RBM24: variants seen among roughly 807,000 people sequenced by gnomAD.
The protein encoded by RBM24 is RNA binding motif protein 24.
Under a neutral mutation model 23.6 loss-of-function variants are expected in RBM24, and 5 were observed. The observed-to-expected ratio is 0.21, with a 90% CI of 0.11 to 0.45. RBM24 has a LOEUF of 0.45. RBM24 is among the 20% of genes least tolerant of loss of function. The pLI is 0.99. For synonymous variants in RBM24, 151 were observed against 129.5 expected (o/e 1.17, Z -1.13); for missense variants, 252 against 314.6 (o/e 0.80, Z 1.51).
chr6:17,282,815 C>G lies in RBM24; in HGVS notation c.179C>G (p.Ala60Gly), dbSNP rs745434041. 5.6e-6 allele frequency: 9 copies of G among 1,613,784 alleles called. No homozygotes were observed. The highest frequency in any genetic ancestry group is 7.6e-6 in the Non-Finnish European group (9 of 1,179,716). ...GTGTCTGTTGCTAAGGTCACCATGG[C>G]TGACCGGGCTGCTGCCGAAAGGGCC... ...KSRGYGFVTMADRAAAERACK... is the reference protein window; with the variant it reads ...KSRGYGFVTMGDRAAAERACK... The change falls in exon 2 of 4, where the codon GCT becomes GGT. Residue 60 changes from alanine (A) to glycine (G), a missense_variant. Physicochemically the swap from Ala to Gly is moderately conservative, Grantham distance 60. Transcript: ENST00000379052.
intron 3 of RBM24, chr6:17,288,923 T>G (rs567297801): frequency 1.0e-6 from 1 of 985,332 alleles, no homozygotes; most frequent in Non-Finnish European, 1.2e-6. Flanking sequence ...AGATGGAGTA[T>G]TTGTCATCAG....
At chr6:17,283,086 GA>G in intron 2 of RBM24, 158 bp downstream of exon 2, 1 of 602,764 alleles carries the variant, frequency 1.7e-6, no homozygotes. Context: ...ACATAAATGA[GA>G]GTTGTAAATA....
intron 3 of RBM24, chr6:17,289,322 T>C: frequency 2.0e-6 from 2 of 985,430 alleles, no homozygotes; most frequent in Non-Finnish European, 2.4e-6. Flanking sequence ...CCAAGGTCTT[T>C]CGGGTTCTCC....
intron 3 of RBM24, among the ~76,000 whole-genome samples, chr6:17,291,210 T>C (rs1760346906): frequency 6.6e-6 from 1 of 152,218 alleles, no homozygotes; most frequent in Non-Finnish European, 1.5e-5. Flanking sequence ...TGAGTCTGCA[T>C]AGCAATTTCA....
At chr6:17,288,271 A>G in intron 3 of RBM24, 1 of 985,438 alleles carries the variant, frequency 1.0e-6, no homozygotes, top group Non-Finnish European at 1.2e-6. Context: ...AAGAAAGCCG[A>G]TAAGCACCAA....
intron 1 of RBM24, chr6:17,282,397 A>G (rs1382891516): frequency 1.7e-6 from 1 of 597,218 alleles, no homozygotes. Context: ...CGTTGGGCGG[A>G]TGTAAGGCTG....
At chr6:17,291,380 A>G (rs1760351688) in intron 3 of RBM24, among the ~76,000 whole-genome samples, 4 of 152,216 alleles carry the variant, frequency 2.6e-5, no homozygotes, top group Admixed American at 1.3e-4. Flanking sequence ...AAACATTCTT[A>G]TTTTATGAAC....
chr6:17,281,443 G>A lies in RBM24; in HGVS notation c.-139G>A. On this transcript the variant is annotated 5_prime_UTR_variant, in exon 1 of 4. Transcript: ENST00000379052. The surrounding 1 kb of genome is among the most constrained non-coding windows in gnomAD (Gnocchi z 7.1). ...CCCGGCCGCTCGCCCCCGCCGCGCC[G>A]CCGCCCTCGCCCCCGGGCTCGCCCT... The A allele has an allele frequency of 1.9e-6, 1 of 530,462 alleles. No individual in the cohort carries two copies. Among genetic ancestry groups the A allele is most frequent in the Non-Finnish European group, 2.4e-6 (1 of 412,568 alleles). 32.9% of individuals were successfully genotyped at this position (530,462 alleles called of 1,614,324 possible). A position where few individuals can be genotyped will look rare whatever the true frequency, so the allele number is the denominator to read the frequency against.
In RBM24 at chr6:17,291,974, C is replaced by T; in HGVS notation, c.566C>T (p.Thr189Ile). 1 of 1,611,060 alleles carries T rather than the reference C, an allele frequency of 6.2e-7. No individual in the cohort carries two copies. The highest frequency in any genetic ancestry group is 8.5e-7 in the Non-Finnish European group (1 of 1,179,402). The change falls in exon 4 of 4, where the codon ACT (threonine) becomes ATT (isoleucine). Residue 189 changes from threonine (T) to isoleucine (I), a missense_variant. Thr to Ile is a moderately conservative substitution (Grantham distance 89). Coordinates refer to ENST00000379052, the MANE Select transcript of RBM24 (RefSeq NM_001143942.2). Reference sequence around the variant, plus strand: ...TCTCCAGCTGCTGCAGGATATGTTACTGCTGGGGGCTATGGCTACGCAGTC... The same window carrying T: ...TCTCCAGCTGCTGCAGGATATGTTATTGCTGGGGGCTATGGCTACGCAGTC... ...AASPAAAGYV[T>I]AGGYGYAVQQ...
Position 17,291,900 on chromosome 6 carries a change from T to C in RBM24, c.492T>C (p.Ala164=), listed in dbSNP as rs537168804. 3.7e-6 allele frequency: 6 copies of C among 1,612,944 alleles called. No homozygotes were observed. Among genetic ancestry groups the C allele is most frequent in the African/African-American group, 2.7e-5 (2 of 74,928 alleles). The change falls in exon 4 of 4, where the codon GCT becomes GCC. Residue 164 remains alanine, a synonymous_variant. Transcript: ENST00000379052. ...CATACGCACAATACTCAGCAGCTGCTGCTGCTGCCGCCGCCGCTGCTGCCT... is the reference window on the plus strand; with the variant it reads ...CATACGCACAATACTCAGCAGCTGCCGCTGCTGCCGCCGCCGCTGCTGCCT... ...GAAYAQYSAA[A]AAAAAAAAYD... is the part of the protein sequence containing the mutation.
chr6:17,284,797 G>C (rs1037755780), intron 3 of RBM24, 86 bp downstream of exon 3: 3 of 930,640 alleles, frequency 3.2e-6, no homozygotes, highest in African/African-American at 3.3e-5. Flanking sequence ...ATAAGATCAT[G>C]ATGTCACAGA....
In RBM24 at chr6:17,281,845, A is replaced by T; in HGVS notation, c.168+96A>T. The T allele has an allele frequency of 6.8e-7, 1 of 1,460,082 alleles. No individual in the cohort carries two copies. The highest frequency in any genetic ancestry group is 2.2e-5 in the Admixed American group (1 of 46,136). 90.4% of individuals were successfully genotyped at this position (1,460,082 alleles called of 1,614,324 possible). On this transcript the variant is annotated intron_variant, in intron 1 of 3. Transcript: ENST00000379052. This position sits in a 1 kb window ranked among gnomAD's most constrained non-coding sequence, Gnocchi z 7.1. ...AGTGAGGGGCTCGGCGTGACCCGTG[A>T]GGAGCCCCGCGGGTAGAGCGGCGCT...
At chr6:17,291,035 GT>G (rs1352056394) in intron 3 of RBM24, 5 of 478,274 alleles carry the variant, frequency 1.0e-5, no homozygotes, top group Middle Eastern at 3.6e-4. Context: ...ACAGCCTCTT[GT>G]GACAGAGTGA....
At position 17,291,846 on chromosome 6, in the gene RBM24, C is replaced by T. The variant is rs1267784083; in HGVS notation, c.438C>T (p.Thr146=). The T allele has an allele frequency of 5.0e-6, 8 of 1,613,982 alleles. No homozygotes were observed. Among genetic ancestry groups the T allele is most frequent in the Non-Finnish European group, 6.8e-6 (8 of 1,180,016 alleles). The part of the protein sequence containing the change: ...HVQPTAAAAS[T]TPYIDYTGAA... ...AGCCGACAGCAGCTGCCGCCTCCAC[C>T]ACCCCTTACATTGATTACACTGGAG... Residue 146 remains threonine, a synonymous_variant, in exon 4 of 4, where the codon ACC becomes ACT. Coordinates refer to ENST00000379052, the MANE Select transcript of RBM24 (RefSeq NM_001143942.2).
At chr6:17,285,740 G>C (rs1466479990) in intron 3 of RBM24, among the ~76,000 whole-genome samples, 2 of 151,980 alleles carry the variant, frequency 1.3e-5, no homozygotes, top group East Asian at 3.9e-4. Context: ...TATTTATGTT[G>C]TCTTTGGGTC....
chr6:17,288,547 G>A (rs1760262534), intron 3 of RBM24: 3 of 985,318 alleles, frequency 3.0e-6, no homozygotes, highest in Non-Finnish European at 3.6e-6. Context: ...AGACAACAAA[G>A]CATAAAAAAA....
In RBM24 at chr6:17,281,519, A is replaced by C. The variant is rs1020175183; in HGVS notation, c.-63A>C. On this transcript the variant is annotated 5_prime_UTR_variant, in exon 1 of 4. Coordinates refer to ENST00000379052, the MANE Select transcript of RBM24 (RefSeq NM_001143942.2). The surrounding 1 kb of genome is among the most constrained non-coding windows in gnomAD (Gnocchi z 7.1). ...GCGGGAGACGCGGAGCCGGAGGAGG[A>C]GGCGCAGCCGCTGCCCGAGCCGCAG... The C allele has an allele frequency of 2.7e-5, 38 of 1,404,492 alleles. No homozygotes were observed. The Admixed American group carries it at 5.2e-4, about 19-fold the overall frequency. The allele number at this position is 1,404,492 out of a possible 1,614,324, so 87.0% of individuals were successfully genotyped here.
rs1252806569 is a variant in RBM24, at chr6:17,281,952, C to A, written c.168+203C>A. 7.4e-7 allele frequency: 1 copy of A among 1,353,624 alleles called. No homozygotes were observed. The highest frequency in any genetic ancestry group is 9.7e-7 in the Non-Finnish European group (1 of 1,028,078). 83.9% of individuals were successfully genotyped at this position (1,353,624 alleles called of 1,614,324 possible). A position where few individuals can be genotyped will look rare whatever the true frequency, so the allele number is the denominator to read the frequency against. On this transcript the variant is annotated intron_variant, in intron 1 of 3. Transcript: ENST00000379052. This position sits in a 1 kb window ranked among gnomAD's most constrained non-coding sequence, Gnocchi z 7.1. The stretch of plus-strand genomic sequence containing the variant: ...CTCGCGGGGTTCGGAGAAGACCCAG[C>A]GCTGTGCGAGGTCGGGGGCCGGGCA...
Position 17,281,428 on chromosome 6 carries a change from C to G in RBM24, c.-154C>G. On this transcript the variant is annotated 5_prime_UTR_variant, in exon 1 of 4. Transcript: ENST00000379052. The surrounding 1 kb of genome is among the most constrained non-coding windows in gnomAD (Gnocchi z 7.1). The stretch of plus-strand genomic sequence containing the variant: ...GCGCTCTCGGCCGCCCCCGGCCGCT[C>G]GCCCCCGCCGCGCCGCCGCCCTCGC... The G allele has an allele frequency of 2.8e-6, 1 of 352,222 alleles. No homozygotes were observed. The highest frequency in any genetic ancestry group is 4.0e-6 in the Non-Finnish European group (1 of 251,868). The allele number at this position is 352,222 out of a possible 1,614,324, so 21.8% of individuals were successfully genotyped here.
Sources: allele counts gnomAD v4.1 joint callset (sites outside exome capture counted in the v4.1 genomes callset), GRCh38; gene constraint gnomAD v4.1.1; non-coding constraint Gnocchi (gnomAD v3.1); transcripts MANE v1.5; gene names NCBI Gene and HGNC (gene_info 2026-07-23, HGNC 2026-07-21).